The following DAB1 variants were observed in gnomAD, a reference collection of about 807,000 sequenced individuals.
DAB1 encodes the protein DAB adaptor protein 1.
DAB1 carries 15 observed loss-of-function variants against 64.6 expected under a neutral mutation model. The observed-to-expected ratio is 0.23, with a 90% confidence interval of 0.16 to 0.36. The LOEUF (loss-of-function observed/expected upper bound fraction) is 0.36. DAB1 is among the 10% of genes least tolerant of loss of function. The pLI, the probability that DAB1 is intolerant of heterozygous loss-of-function variation, is 1.00. For synonymous variants in DAB1, 235 were observed against 251.9 expected (o/e 0.93, Z 0.64); for missense variants, 596 against 706.7 (o/e 0.84, Z 1.78).
intron 2 of DAB1, among the ~76,000 whole-genome samples, chr1:57,218,139 G>A (rs1044975641): frequency 2.6e-5 from 4 of 152,048 alleles, no homozygotes; most frequent in African/African-American, 9.7e-5. Context: ...AGTTAACTAT[G>A]GTATCTACCA....
chr1:57,180,444 G>C (rs779732108), intron 2 of DAB1, among the ~76,000 whole-genome samples: 1 of 152,100 alleles, frequency 6.6e-6, no homozygotes, highest in Non-Finnish European at 1.5e-5. Flanking sequence ...AGGACTTTTT[G>C]CTTTTCTGCT....
Position 57,774,313 on chromosome 1 carries a change from C to A in DAB1, n.551+109686G>T, listed in dbSNP as rs1283555798. On this transcript the variant is annotated intron_variant and non_coding_transcript_variant, in intron 6 of 20. Transcript: ENST00000485760. ...TTTTGTATACTGAATTTGTATCCTG[C>A]AATCTGGCTAAATTCACCTCTTAAT... 2.6e-5 allele frequency among the ~76,000 whole-genome samples: 4 copies of A among 151,896 alleles called. No individual in the cohort carries two copies. In the East Asian group the frequency reaches 7.7e-4, roughly 29 times the overall value.
At chr1:57,009,061 A>G (rs1214647729) in intron 14 of DAB1, among the ~76,000 whole-genome samples, 1 of 152,230 alleles carries the variant, frequency 6.6e-6, no homozygotes, top group African/African-American at 2.4e-5. Context: ...GGTTTAATAC[A>G]TTGATCTGCA....
intron 3 of DAB1, among the ~76,000 whole-genome samples, chr1:58,407,692 C>A (rs116746546): frequency 0.011 from 1,684 of 152,280 alleles, 34 homozygotes; most frequent in African/African-American, 0.038. Flanking sequence ...TGTCCTGCAA[C>A]CATTCTGGGC....
intron 3 of DAB1, among the ~76,000 whole-genome samples, chr1:58,347,928 A>T (rs899924096): frequency 1.3e-5 from 2 of 151,902 alleles, no homozygotes; most frequent in African/African-American, 4.8e-5. Context: ...CTTACCACTA[A>T]CTCCGGGTCT....
At chr1:57,550,906 T>C (rs1524706) in intron 7 of DAB1, among the ~76,000 whole-genome samples, 144,594 of 152,190 alleles carry the variant, frequency 0.95, 69,098 homozygotes, top group East Asian at 1. Context: ...TGGTATCAAG[T>C]ATTATGCTAG....
chr1:57,006,823 A>C (rs1346067382), intron 14 of DAB1, among the ~76,000 whole-genome samples: 4 of 152,214 alleles, frequency 2.6e-5, no homozygotes, highest in Non-Finnish European at 5.9e-5. Context: ...CTTATAAAAC[A>C]CTTTCATACT....
intron 7 of DAB1, among the ~76,000 whole-genome samples, chr1:57,450,766 T>A (rs1403972720): frequency 6.6e-6 from 1 of 152,244 alleles, no homozygotes; most frequent in Non-Finnish European, 1.5e-5. Context: ...TTCACTCTTT[T>A]AAAACAATGA....
intron 1 of DAB1, among the ~76,000 whole-genome samples, chr1:57,297,576 A>G: frequency 6.6e-6 from 1 of 152,154 alleles, no homozygotes. Flanking sequence ...CAAATGATAA[A>G]TCAAGTAAGA....
At chr1:57,845,417 A>G (rs1182150966) in intron 1 of DAB1, among the ~76,000 whole-genome samples, 1 of 152,214 alleles carries the variant, frequency 6.6e-6, no homozygotes, top group Non-Finnish European at 1.5e-5. Flanking sequence ...AATTTCTGGT[A>G]GTCTTGCAGA....
At chr1:57,140,326 A>G (rs1187759931) in intron 3 of DAB1, among the ~76,000 whole-genome samples, 1 of 151,994 alleles carries the variant, frequency 6.6e-6, no homozygotes, top group Non-Finnish European at 1.5e-5. Context: ...AGTAAGAATT[A>G]CCTCCCTCAT....
In DAB1 at chr1:57,046,974, G is replaced by A. The variant is rs75610384; in HGVS notation, c.723+15910C>T. Among the ~76,000 whole-genome samples, 543 of 152,274 alleles carry A rather than the reference G, an allele frequency of 3.6e-3. 3 individuals are homozygous for A. The highest frequency in any genetic ancestry group is 0.012 in the African/African-American group (494 of 41,564). ...TTTGGGTAGGATGACCCTAAATCCT[G>A]GTTTGCCTAACACAGCTGATATTTA... On this transcript the variant is annotated intron_variant, in intron 9 of 14. Transcript: ENST00000371236.
intron 6 of DAB1, among the ~76,000 whole-genome samples, chr1:57,813,429 G>C (rs74332565): frequency 0.02 from 3,011 of 152,234 alleles, 92 homozygotes; most frequent in East Asian, 0.13. Context: ...TAAACACTGT[G>C]CATTGTATTG....
chr1:57,438,901 C>G (rs1558380495), intron 7 of DAB1, among the ~76,000 whole-genome samples: 1 of 152,122 alleles, frequency 6.6e-6, no homozygotes, highest in Non-Finnish European at 1.5e-5. Flanking sequence ...TCATCTCTAC[C>G]TCATTTCCTC....
intron 5 of DAB1, among the ~76,000 whole-genome samples, chr1:57,978,207 C>T (rs956409626): frequency 6.6e-6 from 1 of 152,082 alleles, no homozygotes; most frequent in South Asian, 2.1e-4. Context: ...GGTACTGGTA[C>T]CAAAACAGAC....
chr1:58,497,197 C>CA (rs1191864218), intron 3 of DAB1, among the ~76,000 whole-genome samples: 7 of 152,224 alleles, frequency 4.6e-5, no homozygotes, highest in African/African-American at 1.7e-4. Context: ...TATATGTACT[C>CA]ACCAATTCAA....
chr1:57,949,432 T>C (rs983619434), intron 5 of DAB1, among the ~76,000 whole-genome samples: 1 of 152,046 alleles, frequency 6.6e-6, no homozygotes, highest in African/African-American at 2.4e-5. Context: ...GGCCTGGGGA[T>C]TGGAGATGCC....
chr1:57,867,462 A>G (rs367882285), intron 1 of DAB1: 2 of 152,318 alleles, frequency 1.3e-5, no homozygotes, highest in Admixed American at 6.5e-5. Context: ...CTAGTCTGCA[A>G]GGAATTTCCC....
intron 3 of DAB1, among the ~76,000 whole-genome samples, chr1:58,497,020 C>T (rs1031055699): frequency 1.3e-5 from 2 of 152,184 alleles, no homozygotes; most frequent in African/African-American, 4.8e-5. Context: ...AGATGTGGGG[C>T]AGCCAGGTAT....
Sources: allele counts gnomAD v4.1 joint callset (sites outside exome capture counted in the v4.1 genomes callset), GRCh38; gene constraint gnomAD v4.1.1; transcripts MANE v1.5; gene names NCBI Gene and HGNC (gene_info 2026-07-23, HGNC 2026-07-21).